The following ARB2A variants were observed in gnomAD, a reference collection of about 807,000 sequenced individuals.
The protein encoded by ARB2A is cotranscriptional regulator ARB2A.
At chr5:93,748,390 C>T in the ARB2A span, among the ~76,000 whole-genome samples, 9 of 152,142 alleles carry the variant, frequency 5.9e-5, no homozygotes, top group South Asian at 1.9e-3. Flanking sequence ...TACTGTACTG[C>T]TGTATAATAT....
the ARB2A span, among the ~76,000 whole-genome samples, chr5:93,794,941 G>A: frequency 6.6e-6 from 1 of 152,186 alleles, no homozygotes; most frequent in Admixed American, 6.5e-5. Context: ...CTATAGGCAG[G>A]ATCTAAACTT....
At chr5:93,721,847 G>A in the ARB2A span, among the ~76,000 whole-genome samples, 1 of 152,104 alleles carries the variant, frequency 6.6e-6, no homozygotes. Flanking sequence ...AGGGATAAGA[G>A]CATCTTATGA....
At chr5:93,923,647 T>C in the ARB2A span, among the ~76,000 whole-genome samples, 2 of 152,116 alleles carry the variant, frequency 1.3e-5, no homozygotes, top group African/African-American at 4.8e-5. Flanking sequence ...TCATCTCTAC[T>C]ACAAATTAAA....
the ARB2A span, among the ~76,000 whole-genome samples, chr5:93,830,022 T>G: frequency 1.3e-5 from 2 of 152,126 alleles, no homozygotes; most frequent in African/African-American, 2.4e-5. Context: ...CTATACAATT[T>G]GTTGTTCAAA....
chr5:94,018,754 T>A, the ARB2A span, among the ~76,000 whole-genome samples: 1 of 151,932 alleles, frequency 6.6e-6, no homozygotes, highest in Non-Finnish European at 1.5e-5. Flanking sequence ...TTCAGTGCTA[T>A]CCCCATTTTC....
chr5:93,918,411 T>C, the ARB2A span, among the ~76,000 whole-genome samples: 1 of 151,348 alleles, frequency 6.6e-6, no homozygotes, highest in African/African-American at 2.4e-5. Flanking sequence ...AGACTAAATA[T>C]TAGGTTACTT....
At chr5:93,824,096 G>A in the ARB2A span, 2 of 1,416,876 alleles carry the variant, frequency 1.4e-6, no homozygotes, top group South Asian at 1.8e-5. Flanking sequence ...GAAAGGAGAG[G>A]GGATAAACCT....
chr5:94,023,881 G>A, the ARB2A span, among the ~76,000 whole-genome samples: 2 of 152,132 alleles, frequency 1.3e-5, no homozygotes, highest in African/African-American at 2.4e-5. Context: ...CATGCCTGTC[G>A]TGCCATAGTG....
chr5:94,024,551 C>A, the ARB2A span, among the ~76,000 whole-genome samples: 2 of 152,000 alleles, frequency 1.3e-5, no homozygotes, highest in Admixed American at 1.3e-4. Context: ...ATGATGAACT[C>A]CCTCCCCAGC....
chr5:93,812,607 G>A, the ARB2A span, among the ~76,000 whole-genome samples: 1 of 152,024 alleles, frequency 6.6e-6, no homozygotes. Context: ...AATGCAGTAT[G>A]GAAATTTGGA....
the ARB2A span, among the ~76,000 whole-genome samples, chr5:93,829,680 T>G: frequency 6.6e-6 from 1 of 152,172 alleles, no homozygotes; most frequent in Non-Finnish European, 1.5e-5. Context: ...AATACAAACA[T>G]ACTTCCAAAG....
chr5:94,100,360 C>T, the ARB2A span, among the ~76,000 whole-genome samples: 2 of 152,010 alleles, frequency 1.3e-5, no homozygotes, highest in South Asian at 2.1e-4. Context: ...ATGGCTATAC[C>T]GCCCAAAGCA....
At chr5:93,890,655 T>G in the ARB2A span, among the ~76,000 whole-genome samples, 1 of 152,030 alleles carries the variant, frequency 6.6e-6, no homozygotes, top group South Asian at 2.1e-4. Context: ...ATGAACACAG[T>G]GACACAGGGC....
At chr5:93,791,526 T>G in the ARB2A span, among the ~76,000 whole-genome samples, 1 of 152,234 alleles carries the variant, frequency 6.6e-6, no homozygotes, top group Non-Finnish European at 1.5e-5. Context: ...CTTAGCACTG[T>G]GCTGAGCCCC....
chr5:93,994,637 G>C, the ARB2A span, among the ~76,000 whole-genome samples: 1 of 151,880 alleles, frequency 6.6e-6, no homozygotes, highest in African/African-American at 2.4e-5. Context: ...TAAATATTTG[G>C]AGACATGACA....
the ARB2A span, chr5:93,682,882 G>C: frequency 6.6e-7 from 1 of 1,509,638 alleles, no homozygotes; most frequent in Non-Finnish European, 9.1e-7. Flanking sequence ...TAGCCTCTTG[G>C]TTAGTCATCC....
At chr5:93,950,207 C>T in the ARB2A span, among the ~76,000 whole-genome samples, 2 of 152,156 alleles carry the variant, frequency 1.3e-5, no homozygotes, top group Admixed American at 6.5e-5. Flanking sequence ...AAACTGATTT[C>T]CATCCTTTCG....
the ARB2A span, among the ~76,000 whole-genome samples, chr5:93,904,364 G>T: frequency 5.4e-4 from 82 of 151,908 alleles, no homozygotes; most frequent in Non-Finnish European, 4.4e-5. Flanking sequence ...AAAGTTAAAA[G>T]TTATATCTTT....
chr5:93,947,851 AT>A, the ARB2A span, among the ~76,000 whole-genome samples: 1 of 151,466 alleles, frequency 6.6e-6, no homozygotes, highest in African/African-American at 2.4e-5. Flanking sequence ...TGAACTCATC[AT>A]TTTTTATGGC....
Sources: allele counts gnomAD v4.1 joint callset (sites outside exome capture counted in the v4.1 genomes callset), GRCh38; gene constraint gnomAD v4.1.1; transcripts MANE v1.5; gene names NCBI Gene and HGNC (gene_info 2026-07-23, HGNC 2026-07-21).